Variants in CYP7B1 observed in about 807,000 individuals in gnomAD.
The protein encoded by CYP7B1 is cytochrome P450 family 7 subfamily B member 1.
A neutral mutation model predicts 42.7 loss-of-function variants in CYP7B1; 29 were observed. The observed-to-expected ratio is 0.68, with a 90% confidence interval of 0.51 to 0.93. The LOEUF is 0.93. Among genes scored for constraint, CYP7B1 ranks in the 40% least tolerant of loss-of-function variants. The pLI, the probability that CYP7B1 is intolerant of heterozygous loss-of-function variation, is 0.00. For missense variants in CYP7B1, 655 were observed against 600.5 expected (o/e 1.09, Z -0.95); for synonymous variants, 235 against 218.2 (o/e 1.08, Z -0.68).
intron 4 of CYP7B1, among the ~76,000 whole-genome samples, chr8:64,606,361 C>T (rs1052904038): frequency 6.6e-6 from 1 of 152,248 alleles, no homozygotes; most frequent in Non-Finnish European, 1.5e-5. Flanking sequence ...CTCCCATGTA[C>T]TGCTGCCGGC....
chr8:64,798,384 G>A, intron 1 of CYP7B1, 82 bp downstream of exon 1: 3 of 1,420,140 alleles, frequency 2.1e-6, no homozygotes, highest in Non-Finnish European at 2.7e-6. Context: ...AAATCATGGA[G>A]GGGGACTCCC....
chr8:64,742,850 CAT>C (rs1807590041), intron 1 of CYP7B1, among the ~76,000 whole-genome samples: 3 of 152,176 alleles, frequency 2.0e-5, no homozygotes, highest in African/African-American at 7.2e-5. Context: ...TGTAACCCTC[CAT>C]ATGTCCTCAG....
intron 1 of CYP7B1, among the ~76,000 whole-genome samples, chr8:64,784,933 G>A (rs1432096741): frequency 1.3e-5 from 2 of 152,112 alleles, no homozygotes; most frequent in East Asian, 1.9e-4. Flanking sequence ...ACTGTTAAAA[G>A]ACTAAAGATA....
rs1805038474 is a variant in CYP7B1, at chr8:64,591,764, C to T, written c.*4878G>A. 6.6e-6 allele frequency among the ~76,000 whole-genome samples: 1 copy of T among 152,122 alleles called. No homozygotes were observed. Among genetic ancestry groups the T allele is most frequent in the African/African-American group, 2.4e-5 (1 of 41,426 alleles). On this transcript the variant is annotated 3_prime_UTR_variant, in exon 6 of 6. Coordinates refer to ENST00000310193, the MANE Select transcript of CYP7B1 (RefSeq NM_004820.5). Reference sequence around the variant, plus strand: ...GCATGCCTGATTTAGTGATAGGTAGCTTTTTCTTAACCACTTCAGGGCTTT... The same window carrying T: ...GCATGCCTGATTTAGTGATAGGTAGTTTTTTCTTAACCACTTCAGGGCTTT...
Position 64,594,022 on chromosome 8 carries a change from G to C in CYP7B1, c.*2620C>G, listed in dbSNP as rs879319511. On this transcript the variant is annotated 3_prime_UTR_variant, in exon 6 of 6. Coordinates refer to ENST00000310193, the MANE Select transcript of CYP7B1 (RefSeq NM_004820.5). ...AACCTTGGAGACCCTACAGAATGGA[G>C]AGGATTGGATGGATCTGAGGATGGG... 2.6e-5 allele frequency among the ~76,000 whole-genome samples: 4 copies of C among 152,038 alleles called. No individual in the cohort carries two copies. Among genetic ancestry groups the C allele is most frequent in the Non-Finnish European group, 5.9e-5 (4 of 68,014 alleles).
chr8:64,587,233 C>T (rs1418175522), downstream of CYP7B1, among the ~76,000 whole-genome samples: 1 of 151,972 alleles, frequency 6.6e-6, no homozygotes, highest in African/African-American at 2.4e-5. Flanking sequence ...TTTTTGCTTG[C>T]GCAGTGCTCC....
chr8:64,654,771 A>G (rs930702876), intron 1 of CYP7B1, among the ~76,000 whole-genome samples: 1 of 152,178 alleles, frequency 6.6e-6, no homozygotes, highest in Non-Finnish European at 1.5e-5. Flanking sequence ...ACTTCAAACT[A>G]TGCTACAGGG....
chr8:64,589,283 AT>A (rs1450001501), downstream of CYP7B1, among the ~76,000 whole-genome samples: 1 of 152,158 alleles, frequency 6.6e-6, no homozygotes, highest in East Asian at 1.9e-4. Flanking sequence ...CCTTAATTTA[AT>A]TTTCTGCAAG....
At chr8:64,723,805 G>GA (rs541792576) in intron 1 of CYP7B1, among the ~76,000 whole-genome samples, 72 of 147,432 alleles carry the variant, frequency 4.9e-4, no homozygotes, top group African/African-American at 1.1e-3. Flanking sequence ...AGCTAAAAAA[G>GA]AAAAAAAAAC....
At chr8:64,639,971 TAAAAG>T (rs1306553571) in intron 1 of CYP7B1, among the ~76,000 whole-genome samples, 2 of 151,908 alleles carry the variant, frequency 1.3e-5, no homozygotes, top group Non-Finnish European at 2.9e-5. Context: ...AGAAATGGAA[TAAAAG>T]AAAAAAGAAC....
intron 1 of CYP7B1, among the ~76,000 whole-genome samples, chr8:64,757,474 C>A (rs187971741): frequency 1.3e-3 from 205 of 152,282 alleles, no homozygotes; most frequent in Admixed American, 3.6e-3. Flanking sequence ...TTAGTTAAGT[C>A]TAAAGGCATT....
chr8:64,627,643 G>A (rs1805628383), intron 1 of CYP7B1, among the ~76,000 whole-genome samples: 1 of 152,158 alleles, frequency 6.6e-6, no homozygotes, highest in African/African-American at 2.4e-5. Flanking sequence ...CAGAAATCCA[G>A]GGGATATTAA....
chr8:64,782,887 T>C (rs1457638077), intron 1 of CYP7B1, among the ~76,000 whole-genome samples: 1 of 152,182 alleles, frequency 6.6e-6, no homozygotes, highest in African/African-American at 2.4e-5. Flanking sequence ...GTTCTCTATC[T>C]TAGGACCATT....
intron 1 of CYP7B1, among the ~76,000 whole-genome samples, chr8:64,774,840 A>G (rs1804296487): frequency 6.6e-6 from 1 of 152,136 alleles, no homozygotes; most frequent in Non-Finnish European, 1.5e-5. Flanking sequence ...AACTTCTTCT[A>G]TCCTCAGAGG....
intron 1 of CYP7B1, among the ~76,000 whole-genome samples, chr8:64,758,041 G>A (rs560382429): frequency 2.0e-5 from 3 of 152,182 alleles, no homozygotes; most frequent in East Asian, 3.9e-4. Flanking sequence ...CCCTAGGGTC[G>A]CATTCCCAAT....
In CYP7B1 at chr8:64,593,295, G is replaced by A. The variant is rs1179548410; in HGVS notation, c.*3347C>T. On this transcript the variant is annotated 3_prime_UTR_variant, in exon 6 of 6. Coordinates refer to ENST00000310193, the MANE Select transcript of CYP7B1 (RefSeq NM_004820.5). ...TGTGTGTGTGTGTGTGTAATCCAAG[G>A]CCTTTGCATAAAGCCAAGAACTTGC... Among the ~76,000 whole-genome samples, 1 of 144,338 alleles carries A rather than the reference G, an allele frequency of 6.9e-6. No individual in the cohort carries two copies. The highest frequency in any genetic ancestry group is 2.6e-5 in the African/African-American group (1 of 38,734). The allele number at this position is 144,338 out of a possible 152,430, so 94.7% of individuals were successfully genotyped here.
At chr8:64,685,179 G>A (rs1459847767) in intron 1 of CYP7B1, among the ~76,000 whole-genome samples, 1 of 152,022 alleles carries the variant, frequency 6.6e-6, no homozygotes, top group Non-Finnish European at 1.5e-5. Context: ...CCGCCCGGGA[G>A]GCAGCGGCTG....
Position 64,604,609 on chromosome 8 carries a change from A to G in CYP7B1, c.1233+73T>C, listed in dbSNP as rs915566708. ...CTTCTGGACCAAAGTGGCAAGAGGA[A>G]GAGATAGGGATGGAAGAGGAATGTG... On this transcript the variant is annotated intron_variant, in intron 5 of 5. Transcript: ENST00000310193. The G allele has an allele frequency of 2.4e-5, 37 of 1,545,378 alleles. No individual in the cohort carries two copies. In the African/African-American group the frequency reaches 3.4e-4, roughly 14 times the overall value.
At chr8:64,709,420 AT>A (rs1807047737) in intron 1 of CYP7B1, among the ~76,000 whole-genome samples, 1 of 152,160 alleles carries the variant, frequency 6.6e-6, no homozygotes, top group Non-Finnish European at 1.5e-5. Flanking sequence ...AATGATATGG[AT>A]ATTTGTGTAT....
Sources: gnomAD v4.1 joint callset for allele counts (sites outside exome capture counted in the v4.1 genomes callset) on GRCh38, gnomAD v4.1.1 for gene constraint, MANE v1.5 for transcripts, NCBI Gene and HGNC (gene_info 2026-07-23, HGNC 2026-07-21) for gene names.